ZNF438: variants seen among roughly 807,000 people sequenced by gnomAD.
The protein encoded by ZNF438 is zinc finger protein 438.
A neutral mutation model predicts 38.0 loss-of-function variants in ZNF438; 25 were observed. The ratio of observed to expected loss-of-function variants is 0.66; its 90% CI spans 0.48 to 0.92. The LOEUF (loss-of-function observed/expected upper bound fraction) is 0.92. Ranked by LOEUF, ZNF438 falls within the 40% of genes least tolerant of loss-of-function variation. The pLI is 0.00. For synonymous variants in ZNF438, 372 were observed against 364.1 expected, an observed-to-expected ratio of 1.02 and a Z score of -0.25; for missense variants, 1,007 against 999.6, an observed-to-expected ratio of 1.01 and a Z score of -0.10.
upstream of ZNF438, among the ~76,000 whole-genome samples, chr10:31,032,139 A>G (rs1488814816): frequency 1.3e-5 from 2 of 152,222 alleles, no homozygotes; most frequent in East Asian, 3.9e-4. Context: ...GGGTTAGAGG[A>G]GGAGGAGGGG....
intron 1 of ZNF438, among the ~76,000 whole-genome samples, chr10:30,991,364 C>A (rs1028918562): frequency 2.0e-5 from 3 of 152,152 alleles, no homozygotes; most frequent in African/African-American, 7.2e-5. Flanking sequence ...ATTTGTGGGG[C>A]AAAAGTTCTA....
intron 2 of ZNF438, among the ~76,000 whole-genome samples, chr10:30,924,399 GC>G (rs1324704764): frequency 6.6e-6 from 1 of 152,200 alleles, no homozygotes; most frequent in African/African-American, 2.4e-5. Context: ...CTCTAGAGAG[GC>G]AAGGAGGCAA....
At chr10:31,026,795 T>A (rs1347121611) in intron 1 of ZNF438, among the ~76,000 whole-genome samples, 1 of 152,130 alleles carries the variant, frequency 6.6e-6, no homozygotes, top group Non-Finnish European at 1.5e-5. Context: ...TGCACACGTA[T>A]GTTTATTGTG....
At chr10:31,010,467 G>A (rs2133060925) in intron 1 of ZNF438, among the ~76,000 whole-genome samples, 1 of 152,182 alleles carries the variant, frequency 6.6e-6, no homozygotes, top group African/African-American at 2.4e-5. Context: ...AGTGGCCCAT[G>A]GAAACTTTAA....
At chr10:30,917,109 C>A (rs893694808) in intron 2 of ZNF438, among the ~76,000 whole-genome samples, 3 of 152,080 alleles carry the variant, frequency 2.0e-5, no homozygotes, top group Non-Finnish European at 2.9e-5. Flanking sequence ...AAAGTTTGTT[C>A]CTTCAAAATC....
chr10:30,977,053 C>A (rs565239613), intron 1 of ZNF438, among the ~76,000 whole-genome samples: 1 of 152,170 alleles, frequency 6.6e-6, no homozygotes, highest in Admixed American at 6.5e-5. Flanking sequence ...CCATAAAAAT[C>A]TAGAAAAGCA....
intron 3 of ZNF438, among the ~76,000 whole-genome samples, chr10:30,897,455 G>T (rs1442931007): frequency 1.3e-5 from 2 of 152,172 alleles, no homozygotes; most frequent in African/African-American, 4.8e-5. Context: ...AAGATCCAGT[G>T]CTATAGAGCA....
chr10:30,875,208 G>C, intron 4 of ZNF438: 1 of 962,358 alleles, frequency 1.0e-6, no homozygotes, highest in South Asian at 4.8e-5. Flanking sequence ...AGCCCAGAGA[G>C]GTAGGCATCA....
At chr10:31,013,762 G>A (rs540053856) in intron 1 of ZNF438, among the ~76,000 whole-genome samples, 2 of 152,090 alleles carry the variant, frequency 1.3e-5, no homozygotes, top group African/African-American at 2.4e-5. Flanking sequence ...TTACCCCGCT[G>A]CACATAAATG....
At chr10:31,014,590 A>C (rs1240952827) in intron 1 of ZNF438, among the ~76,000 whole-genome samples, 1 of 152,144 alleles carries the variant, frequency 6.6e-6, no homozygotes, top group Non-Finnish European at 1.5e-5. Flanking sequence ...AATTCAGTCC[A>C]TAGCATGCTC....
chr10:30,955,833 A>T (rs1223071741), intron 1 of ZNF438, among the ~76,000 whole-genome samples: 1 of 152,134 alleles, frequency 6.6e-6, no homozygotes, highest in Non-Finnish European at 1.5e-5. Flanking sequence ...TATTTTTTTT[A>T]GTTGTTCCAG....
At chr10:30,966,651 C>A in intron 1 of ZNF438, among the ~76,000 whole-genome samples, 2 of 127,550 alleles carry the variant, frequency 1.6e-5, no homozygotes, top group Admixed American at 9.1e-5. Context: ...GCCTGGGCAA[C>A]AGAGCAAGAC....
Position 30,849,318 on chromosome 10 carries a change from G to C in ZNF438, c.1087C>G (p.Pro363Ala), listed in dbSNP as rs533260049. The C allele has an allele frequency of 6.2e-6, 10 of 1,614,136 alleles. No homozygotes were observed. The East Asian group carries it at 1.1e-4, about 18-fold the overall frequency. Reference sequence around the variant, plus strand: ...TGGTTAAGATCAAGTTTGGTGGGTGGACAAAAGGCACTTTCACAGGCACTC... The same window carrying C: ...TGGTTAAGATCAAGTTTGGTGGGTGCACAAAAGGCACTTTCACAGGCACTC... The change falls in exon 5 of 6, where the codon CCA (proline) becomes GCA (alanine). Residue 363 changes from proline (P) to alanine (A), a missense_variant. By Grantham distance (27) the Pro-to-Ala change is conservative. Coordinates refer to ENST00000413025, the Ensembl canonical transcript of ZNF438.
intron 1 of ZNF438, among the ~76,000 whole-genome samples, chr10:30,987,380 A>T (rs190462422): frequency 0.012 from 1,749 of 152,020 alleles, 31 homozygotes; most frequent in African/African-American, 0.039. Context: ...AAAAAAAAAA[A>T]TTCCAGCATG....
At chr10:30,887,194 T>C (rs1210711032) in intron 3 of ZNF438, among the ~76,000 whole-genome samples, 1 of 152,212 alleles carries the variant, frequency 6.6e-6, no homozygotes, top group African/African-American at 2.4e-5. Flanking sequence ...ACTGAAATTA[T>C]TCAAGCTAGC....
At chr10:30,949,111 C>T (rs1337295153) in intron 1 of ZNF438, among the ~76,000 whole-genome samples, 1 of 152,114 alleles carries the variant, frequency 6.6e-6, no homozygotes, top group Non-Finnish European at 1.5e-5. Flanking sequence ...TTCTTAAAGA[C>T]AACAATTTTC....
At chr10:31,026,155 A>T (rs1338453969) in intron 1 of ZNF438, among the ~76,000 whole-genome samples, 2 of 152,212 alleles carry the variant, frequency 1.3e-5, no homozygotes, top group African/African-American at 4.8e-5. Context: ...AACCTAGGCA[A>T]TACCATTCAG....
chr10:30,984,967 A>T (rs1020527512), intron 1 of ZNF438, among the ~76,000 whole-genome samples: 3 of 152,202 alleles, frequency 2.0e-5, no homozygotes, highest in Non-Finnish European at 4.4e-5. Context: ...TTTTAATGAT[A>T]GCATTAAAAT....
chr10:31,013,646 C>T (rs1230992320), intron 1 of ZNF438, among the ~76,000 whole-genome samples: 1 of 152,136 alleles, frequency 6.6e-6, no homozygotes, highest in Non-Finnish European at 1.5e-5. Flanking sequence ...AAAGAAACTT[C>T]CCGCTCAAAG....
Sources: gnomAD v4.1 joint callset for allele counts (sites outside exome capture counted in the v4.1 genomes callset) on GRCh38, gnomAD v4.1.1 for gene constraint, MANE v1.5 for transcripts, NCBI Gene and HGNC (gene_info 2026-07-23, HGNC 2026-07-21) for gene names.